The following CMTM8 variants were observed in gnomAD, a reference collection of about 807,000 sequenced individuals.
CMTM8 encodes the protein CKLF like MARVEL transmembrane domain containing 8, also known as CKLF-like MARVEL transmembrane domain-containing protein 8.
CMTM8 carries 12 observed loss-of-function variants against 18.6 expected under a neutral mutation model. The observed-to-expected ratio is 0.65, with a 90% confidence interval of 0.41 to 1.05. CMTM8 has a LOEUF of 1.05. CMTM8 is among the 50% of genes least tolerant of loss of function. The probability of loss-of-function intolerance (pLI) is 0.00; values close to 1 mark genes in which losing one functional copy is unlikely to be tolerated. For missense variants in CMTM8, 217 were observed against 227.2 expected, an observed-to-expected ratio of 0.95 and a Z score of 0.29; for synonymous variants, 87 against 90.6, an observed-to-expected ratio of 0.96 and a Z score of 0.23.
chr3:32,242,771 T>C (rs1436532077), intron 1 of CMTM8, among the ~76,000 whole-genome samples: 1 of 152,218 alleles, frequency 6.6e-6, no homozygotes, highest in Non-Finnish European at 1.5e-5. Flanking sequence ...ACTGGGCACC[T>C]GGTGTGTTCT....
intron 1 of CMTM8, among the ~76,000 whole-genome samples, chr3:32,343,903 G>A (rs1036239587): frequency 1.3e-5 from 2 of 152,142 alleles, no homozygotes; most frequent in African/African-American, 2.4e-5. Context: ...GTTTCACCAC[G>A]TTGGCCAGGC....
chr3:32,312,607 C>T (rs935712195), intron 1 of CMTM8, among the ~76,000 whole-genome samples: 4 of 152,158 alleles, frequency 2.6e-5, no homozygotes, highest in Non-Finnish European at 5.9e-5. Flanking sequence ...GCTCTGCAAA[C>T]TCTGTCCTTT....
chr3:32,244,719 A>C (rs534480733), intron 1 of CMTM8, among the ~76,000 whole-genome samples: 2 of 152,216 alleles, frequency 1.3e-5, no homozygotes, highest in East Asian at 3.9e-4. Flanking sequence ...TTCTATTTTA[A>C]AACTAATGTG....
chr3:32,282,255 C>A (rs888021139), intron 1 of CMTM8, among the ~76,000 whole-genome samples: 44 of 151,796 alleles, frequency 2.9e-4, no homozygotes, highest in African/African-American at 9.4e-4. Flanking sequence ...CCAGTTTTTT[C>A]AAAAAATAAA....
chr3:32,365,304 A>G (rs1349157327), intron 2 of CMTM8, among the ~76,000 whole-genome samples: 1 of 81,628 alleles, frequency 1.2e-5, no homozygotes, highest in African/African-American at 3.6e-5. Context: ...GGTATTTGAG[A>G]AAAAAAAAAA....
At chr3:32,345,835 G>A (rs1016868676) in intron 1 of CMTM8, among the ~76,000 whole-genome samples, 14 of 152,330 alleles carry the variant, frequency 9.2e-5, no homozygotes, top group African/African-American at 3.1e-4. Context: ...CAAAGCTGCT[G>A]TTACTGCAGA....
intron 1 of CMTM8, among the ~76,000 whole-genome samples, chr3:32,355,184 G>A (rs117837499): frequency 1.3e-5 from 2 of 152,144 alleles, no homozygotes; most frequent in Non-Finnish European, 2.9e-5. Context: ...GATCTTCACA[G>A]GAAGTCTTCT....
intron 1 of CMTM8, among the ~76,000 whole-genome samples, chr3:32,299,763 C>T (rs1176171587): frequency 6.6e-6 from 1 of 152,172 alleles, no homozygotes; most frequent in Non-Finnish European, 1.5e-5. Flanking sequence ...CCTACTAGAA[C>T]ATTGTCTGAC....
intron 1 of CMTM8, among the ~76,000 whole-genome samples, chr3:32,342,928 T>G: frequency 6.6e-6 from 1 of 152,162 alleles, no homozygotes. Context: ...TTGAGGAAAC[T>G]GAAGCTCAGG....
At chr3:32,346,814 C>CTTTTTTTTTTTTTTTT (rs34230571) in intron 1 of CMTM8, among the ~76,000 whole-genome samples, 1 of 131,458 alleles carries the variant, frequency 7.6e-6, no homozygotes, top group Non-Finnish European at 1.7e-5. Context: ...TGTTATAATT[C>CTTTTTTTTTTTTTTTT]TTTTTTTTTT....
At chr3:32,345,908 A>T (rs78571782) in intron 1 of CMTM8, among the ~76,000 whole-genome samples, 4,004 of 152,282 alleles carry the variant, frequency 0.026, 78 homozygotes, top group East Asian at 0.11. Context: ...TAATCCCAGC[A>T]CTTTGGGAGG....
intron 1 of CMTM8, 26 bp downstream of exon 1, chr3:32,239,145 C>T: frequency 1.3e-6 from 2 of 1,577,282 alleles, no homozygotes; most frequent in Non-Finnish European, 1.7e-6. Context: ...CCGGGGGTGG[C>T]GGGGGGCTCA....
chr3:32,347,140 T>C (rs1696612715), intron 1 of CMTM8, among the ~76,000 whole-genome samples: 2 of 152,222 alleles, frequency 1.3e-5, no homozygotes. Flanking sequence ...TATTCGTTTA[T>C]GATTTAAGTC....
intron 1 of CMTM8, among the ~76,000 whole-genome samples, chr3:32,291,400 A>G (rs1208004898): frequency 6.6e-6 from 1 of 152,140 alleles, no homozygotes; most frequent in Non-Finnish European, 1.5e-5. Flanking sequence ...TCGGCCTCCC[A>G]AAGTGCTGGG....
intron 2 of CMTM8, among the ~76,000 whole-genome samples, chr3:32,367,407 G>T (rs186021035): frequency 6.6e-6 from 1 of 152,288 alleles, no homozygotes; most frequent in African/African-American, 2.4e-5. Context: ...TCCCTGTTTG[G>T]AATGGGGGGT....
At chr3:32,324,963 C>G (rs1192987297) in intron 1 of CMTM8, among the ~76,000 whole-genome samples, 1 of 152,248 alleles carries the variant, frequency 6.6e-6, no homozygotes, top group Non-Finnish European at 1.5e-5. Context: ...CTCTTGGCCT[C>G]AGCTCCCCAC....
intron 1 of CMTM8, among the ~76,000 whole-genome samples, chr3:32,314,259 A>G (rs1215911987): frequency 6.6e-6 from 1 of 152,170 alleles, no homozygotes; most frequent in Non-Finnish European, 1.5e-5. Context: ...GGTTATTATG[A>G]CATGAGAGCA....
chr3:32,255,019 T>G (rs550058842), intron 1 of CMTM8, among the ~76,000 whole-genome samples: 2 of 152,202 alleles, frequency 1.3e-5, no homozygotes, highest in Admixed American at 1.3e-4. Flanking sequence ...ATATATGGTC[T>G]TCTTTGACTT....
intron 1 of CMTM8, among the ~76,000 whole-genome samples, chr3:32,337,093 A>G (rs534969118): frequency 6.6e-6 from 1 of 152,260 alleles, no homozygotes; most frequent in East Asian, 1.9e-4. Flanking sequence ...CCTCCTCCCG[A>G]GATAACTCAT....
Sources: allele counts gnomAD v4.1 joint callset (sites outside exome capture counted in the v4.1 genomes callset), GRCh38; gene constraint gnomAD v4.1.1; transcripts MANE v1.5; gene names NCBI Gene and HGNC (gene_info 2026-07-23, HGNC 2026-07-21).